Variants in LTBP1 observed in about 807,000 individuals in gnomAD.
The protein encoded by LTBP1 is latent-transforming growth factor beta-binding protein 1.
A neutral mutation model predicts 207.6 loss-of-function variants in LTBP1; 129 were observed. That is an observed-to-expected ratio of 0.62 (90% CI 0.54 to 0.72). The LOEUF is 0.72. Ranked by LOEUF, LTBP1 falls within the 30% of genes least tolerant of loss-of-function variation. LTBP1 has a pLI of 0.00. For missense variants in LTBP1, 2,281 were observed against 2,217.2 expected, an observed-to-expected ratio of 1.03 and a Z score of -0.58; for synonymous variants, 963 against 833.7, an observed-to-expected ratio of 1.16 and a Z score of -2.67.
At chr2:33,327,430 AAAG>A (rs2094441620) in intron 24 of LTBP1, among the ~76,000 whole-genome samples, 2 of 152,214 alleles carry the variant, frequency 1.3e-5, no homozygotes, top group African/African-American at 4.8e-5. Context: ...CTACAAGACT[AAAG>A]AACAATAGAA....
In LTBP1 at chr2:33,231,671, C is replaced by T. The variant is rs979419709; in HGVS notation, c.1876+9520C>T. 2.0e-5 allele frequency among the ~76,000 whole-genome samples: 3 copies of T among 151,924 alleles called. No individual in the cohort carries two copies. In the East Asian group the frequency reaches 5.8e-4, roughly 29 times the overall value. Reference sequence around the variant, plus strand: ...GAGCACTAGAAAGTGCAGGTGAGACCCCCAAGAAAGCCTGCCTGGCTGGAG... The same window carrying T: ...GAGCACTAGAAAGTGCAGGTGAGACTCCCAAGAAAGCCTGCCTGGCTGGAG... On this transcript the variant is annotated intron_variant, in intron 9 of 33. Transcript: ENST00000404816.
rs79382999 is a variant in LTBP1, at chr2:33,397,073, T to C, written c.4835-60T>C. Reference sequence around the variant, plus strand: ...AAATGAACCATCATCTAAATATCATTTACAAAATGATATAGGAAGTTGAGA... The same window carrying C: ...AAATGAACCATCATCTAAATATCATCTACAAAATGATATAGGAAGTTGAGA... On this transcript the variant is annotated intron_variant, in intron 32 of 33. Transcript: ENST00000404816. 1.9e-3 allele frequency: 2,844 copies of C among 1,510,768 alleles called. 46 individuals are homozygous for C. The African/African-American group carries it at 0.035, about 19-fold the overall frequency. The allele number at this position is 1,510,768 out of a possible 1,614,324, so 93.6% of individuals were successfully genotyped here.
chr2:33,305,357 A>T (rs1252397678), intron 22 of LTBP1, among the ~76,000 whole-genome samples: 2 of 151,904 alleles, frequency 1.3e-5, no homozygotes, highest in African/African-American at 2.4e-5. Context: ...AGTAAAATAT[A>T]TAGTTCGTTA....
intron 4 of LTBP1, among the ~76,000 whole-genome samples, chr2:33,130,163 T>C (rs921535782): frequency 1.3e-5 from 2 of 152,196 alleles, no homozygotes; most frequent in African/African-American, 4.8e-5. Flanking sequence ...AGCGATGGAC[T>C]GCAAGTGGGA....
chr2:33,263,691 T>C (rs1353812798), intron 15 of LTBP1, among the ~76,000 whole-genome samples: 1 of 152,194 alleles, frequency 6.6e-6, no homozygotes, highest in Non-Finnish European at 1.5e-5. Flanking sequence ...CGGTGGCTCA[T>C]GCCTATAATC....
intron 31 of LTBP1, among the ~76,000 whole-genome samples, chr2:33,368,628 G>C (rs549845039): frequency 1.3e-5 from 2 of 152,246 alleles, no homozygotes; most frequent in African/African-American, 4.8e-5. Context: ...TGTAGTCCCA[G>C]CATGTTGGGA....
intron 4 of LTBP1, among the ~76,000 whole-genome samples, chr2:33,119,053 T>G (rs2080950636): frequency 6.6e-6 from 1 of 152,102 alleles, no homozygotes; most frequent in South Asian, 2.1e-4. Context: ...GTTTTAGTTA[T>G]AAGGGCCCAA....
At chr2:33,073,496 T>C (rs966434049) in intron 3 of LTBP1, among the ~76,000 whole-genome samples, 4 of 152,192 alleles carry the variant, frequency 2.6e-5, no homozygotes, top group Non-Finnish European at 4.4e-5. Context: ...GCAACGCTTT[T>C]TGAAGAAACC....
chr2:33,006,186 G>A (rs375749803), intron 2 of LTBP1, among the ~76,000 whole-genome samples: 5 of 150,168 alleles, frequency 3.3e-5, no homozygotes, highest in Admixed American at 1.3e-4. Flanking sequence ...GCCTCCCAGA[G>A]TGCTGAGATT....
intron 24 of LTBP1, among the ~76,000 whole-genome samples, chr2:33,335,479 C>T (rs973458352): frequency 6.6e-6 from 1 of 152,172 alleles, no homozygotes; most frequent in Non-Finnish European, 1.5e-5. Context: ...CCAGCCTTGT[C>T]GATGTTGCCA....
At chr2:33,120,447 T>C (rs1380576333) in intron 4 of LTBP1, among the ~76,000 whole-genome samples, 1 of 152,222 alleles carries the variant, frequency 6.6e-6, no homozygotes, top group Non-Finnish European at 1.5e-5. Flanking sequence ...GGTATTCGGT[T>C]TTCTGTTCCT....
At chr2:33,008,232 A>G (rs941661786) in intron 2 of LTBP1, among the ~76,000 whole-genome samples, 6 of 152,234 alleles carry the variant, frequency 3.9e-5, no homozygotes, top group Non-Finnish European at 8.8e-5. Flanking sequence ...CATATGAACC[A>G]CTAATAGTAT....
At chr2:33,308,109 C>T (rs934460645) in intron 22 of LTBP1, among the ~76,000 whole-genome samples, 2 of 152,198 alleles carry the variant, frequency 1.3e-5, no homozygotes, top group African/African-American at 4.8e-5. Flanking sequence ...TGTTTCTTAG[C>T]TTTCTTCGTT....
intron 6 of LTBP1, among the ~76,000 whole-genome samples, chr2:33,187,656 C>G (rs1383850586): frequency 6.6e-6 from 1 of 152,188 alleles, no homozygotes; most frequent in Non-Finnish European, 1.5e-5. Context: ...AGTTTACTGG[C>G]TCTAATTCTT....
At chr2:33,288,293 G>T (rs972614800) in intron 19 of LTBP1, among the ~76,000 whole-genome samples, 24 of 152,190 alleles carry the variant, frequency 1.6e-4, no homozygotes, top group African/African-American at 5.5e-4. Flanking sequence ...ATGACTGGGT[G>T]ACATCAGCCA....
At chr2:33,324,698 TC>T (rs2094403311) in intron 24 of LTBP1, among the ~76,000 whole-genome samples, 2 of 142,146 alleles carry the variant, frequency 1.4e-5, no homozygotes, top group African/African-American at 2.8e-5. Context: ...CTGTATTCTA[TC>T]TTTTTTTTTT....
chr2:33,231,188 T>G (rs2091765604), intron 9 of LTBP1, among the ~76,000 whole-genome samples: 1 of 152,230 alleles, frequency 6.6e-6, no homozygotes, highest in Non-Finnish European at 1.5e-5. Flanking sequence ...CTAGCTGAAT[T>G]TTAGCTGGCT....
intron 5 of LTBP1, among the ~76,000 whole-genome samples, chr2:33,161,497 G>T (rs1260866586): frequency 6.6e-6 from 1 of 152,128 alleles, no homozygotes; most frequent in Non-Finnish European, 1.5e-5. Context: ...TTTAACTCCT[G>T]ACCTCGTGAT....
chr2:33,117,984 A>G (rs2080856029), intron 4 of LTBP1, among the ~76,000 whole-genome samples: 1 of 152,142 alleles, frequency 6.6e-6, no homozygotes, highest in South Asian at 2.1e-4. Flanking sequence ...TGAAGAGAGA[A>G]CAGAAGCAGC....
Sources: allele counts gnomAD v4.1 joint callset (sites outside exome capture counted in the v4.1 genomes callset), GRCh38; gene constraint gnomAD v4.1.1; transcripts MANE v1.5; gene names NCBI Gene and HGNC (gene_info 2026-07-23, HGNC 2026-07-21).